Variants in NAV3 observed in about 807,000 individuals in gnomAD.
The protein encoded by NAV3 is neuron navigator 3, also known as pore membrane and/or filament interacting like protein 1.
A neutral mutation model predicts 244.7 loss-of-function variants in NAV3; 87 were observed. The ratio of observed to expected loss-of-function variants is 0.36; its 90% CI spans 0.30 to 0.42. NAV3 has a LOEUF of 0.42. NAV3 is among the 20% of genes least tolerant of loss of function. The probability of loss-of-function intolerance (pLI) is 1.00; values close to 1 mark genes in which losing one functional copy is unlikely to be tolerated. For missense variants in NAV3, 2,663 were observed against 2,893.3 expected, an observed-to-expected ratio of 0.92 and a Z score of 1.83; for synonymous variants, 1,126 against 1,042.2, an observed-to-expected ratio of 1.08 and a Z score of -1.55.
intron 3 of NAV3, among the ~76,000 whole-genome samples, chr12:77,956,238 T>G (rs112557333): frequency 1.0e-3 from 157 of 152,292 alleles, no homozygotes; most frequent in African/African-American, 3.5e-3. Flanking sequence ...AATTGAAAAT[T>G]TATTAATTTA....
At chr12:78,122,884 C>A (rs1955736057) in intron 16 of NAV3, among the ~76,000 whole-genome samples, 1 of 144,650 alleles carries the variant, frequency 6.9e-6, no homozygotes. Flanking sequence ...AGATGGATTG[C>A]TGGGAAATCC....
chr12:77,896,988 C>G (rs1592931186), intron 1 of NAV3, among the ~76,000 whole-genome samples: 1 of 152,156 alleles, frequency 6.6e-6, no homozygotes, highest in East Asian at 1.9e-4. Context: ...AAAGTGTGGT[C>G]TGTTGACCAG....
chr12:77,639,489 TTGTA>T (rs1823742892), intron 2 of NAV3, among the ~76,000 whole-genome samples: 1 of 152,194 alleles, frequency 6.6e-6, no homozygotes, highest in Admixed American at 6.5e-5. Flanking sequence ...AGAATGTAAA[TTGTA>T]TGAGAACAGA....
At chr12:77,779,819 G>C (rs563423632) in intron 2 of NAV3, among the ~76,000 whole-genome samples, 1 of 152,108 alleles carries the variant, frequency 6.6e-6, no homozygotes, top group Non-Finnish European at 1.5e-5. Context: ...TGGGTTGTCA[G>C]TGGTTTTCAA....
chr12:77,966,938 G>A (rs1439365362), intron 4 of NAV3, among the ~76,000 whole-genome samples: 1 of 151,972 alleles, frequency 6.6e-6, no homozygotes, highest in Admixed American at 6.6e-5. Context: ...GGTGGCAAAA[G>A]TTTGCAAAAG....
rs529338324 is a variant in NAV3 at position 77,622,534 on chromosome 12, A to ATTT, written c.72+50292_72+50294dup. Among the ~76,000 whole-genome samples, 219 of 90,716 alleles carry ATTT rather than the reference A, an allele frequency of 2.4e-3. 10 individuals are homozygous for ATTT. Among genetic ancestry groups the ATTT allele is most frequent in the African/African-American group, 7.5e-3 (180 of 24,130 alleles). The allele number at this position is 90,716 out of a possible 152,430, so 59.5% of individuals were successfully genotyped here. A position where few individuals can be genotyped will look rare whatever the true frequency, so the allele number is the denominator to read the frequency against. ...CTCTGCAGCGTGTTCATCCATATGG[A>ATTT]TTTTTTTTTTTTTTTTTTTTTTTTT... On this transcript the variant is annotated intron_variant, in intron 2 of 8. Coordinates refer to the NAV3 transcript ENST00000550042.
chr12:78,132,634 T>A (rs1207403619), intron 18 of NAV3, among the ~76,000 whole-genome samples: 1 of 152,154 alleles, frequency 6.6e-6, no homozygotes, highest in Non-Finnish European at 1.5e-5. Context: ...TCATCCTCCA[T>A]CTCCTCCTTA....
At chr12:77,715,095 A>C (rs890987007) in intron 2 of NAV3, among the ~76,000 whole-genome samples, 1 of 152,048 alleles carries the variant, frequency 6.6e-6, no homozygotes, top group African/African-American at 2.4e-5. Flanking sequence ...GAACTATAAA[A>C]ACTTAGTTAT....
intron 12 of NAV3, among the ~76,000 whole-genome samples, chr12:78,065,017 C>T (rs556064280): frequency 6.6e-6 from 1 of 152,010 alleles, no homozygotes; most frequent in South Asian, 2.1e-4. Context: ...CAGTTAAAGA[C>T]AAAAAACTTT....
chr12:77,847,076 G>A (rs549507913), intron 1 of NAV3, among the ~76,000 whole-genome samples: 1 of 152,252 alleles, frequency 6.6e-6, no homozygotes, highest in Admixed American at 6.5e-5. Context: ...ACTACACACA[G>A]ATATCAAGAC....
chr12:77,619,233 C>T (rs1308491002), intron 2 of NAV3, among the ~76,000 whole-genome samples: 3 of 152,056 alleles, frequency 2.0e-5, no homozygotes, highest in Non-Finnish European at 2.9e-5. Context: ...CTCGTCAACC[C>T]CCCTTAGGTT....
At chr12:77,646,430 C>A (rs1872608171) in intron 2 of NAV3, among the ~76,000 whole-genome samples, 1 of 152,086 alleles carries the variant, frequency 6.6e-6, no homozygotes, top group Admixed American at 6.6e-5. Flanking sequence ...ACCCAAACCT[C>A]CTGTCCTGAA....
chr12:77,998,338 C>T lies in NAV3; in HGVS notation c.742C>T (p.Leu248Phe). The T allele has an allele frequency of 6.4e-7, 1 of 1,554,480 alleles. No individual in the cohort carries two copies. Among genetic ancestry groups the T allele is most frequent in the Non-Finnish European group, 8.6e-7 (1 of 1,156,606 alleles). The change falls in exon 7 of 40, where the codon CTT (leucine) becomes TTT (phenylalanine). Residue 248 changes from leucine (L) to phenylalanine (F), a missense_variant and splice_region_variant. Leu to Phe is a conservative substitution (Grantham distance 22). Around this residue, in one of 6 missense-constraint regions of NAV3, gnomAD observed 1,521 missense variants for 1,497.0 expected, o/e 1.02. Coordinates refer to ENST00000397909, the MANE Select transcript of NAV3 (RefSeq NM_001024383.2). ...IATSQKKPTR[L>F]PGPSRVPAAG... is the part of the protein sequence containing the mutation. ...GTAATTTTTCTTATACTATTTCAGGCTTCCAGGGCCCTCTAGGGTGCCTGC... is the reference window on the plus strand; with the variant it reads ...GTAATTTTTCTTATACTATTTCAGGTTTCCAGGGCCCTCTAGGGTGCCTGC...
intron 21 of NAV3, among the ~76,000 whole-genome samples, chr12:78,146,716 C>T (rs1008474225): frequency 2.0e-5 from 3 of 151,310 alleles, no homozygotes; most frequent in African/African-American, 7.3e-5. Flanking sequence ...AGTCTTTTTC[C>T]CACTCCCTGT....
At chr12:77,596,836 C>T (rs1460687740) in intron 2 of NAV3, among the ~76,000 whole-genome samples, 2 of 151,954 alleles carry the variant, frequency 1.3e-5, no homozygotes, top group African/African-American at 4.8e-5. Flanking sequence ...GAAACCTGAA[C>T]TGGGTTGGCA....
At chr12:77,713,293 C>T (rs1876209779) in intron 2 of NAV3, among the ~76,000 whole-genome samples, 2 of 152,130 alleles carry the variant, frequency 1.3e-5, no homozygotes, top group Admixed American at 6.6e-5. Flanking sequence ...TATAAAATAC[C>T]GTTTTCTTCA....
chr12:77,823,961 GTGTGT>G (rs1316456514), intron 2 of NAV3, among the ~76,000 whole-genome samples: 1 of 152,148 alleles, frequency 6.6e-6, no homozygotes, highest in Non-Finnish European at 1.5e-5. Context: ...AAAAAGTATA[GTGTGT>G]GAATTAAAAA....
At chr12:78,064,553 A>G (rs899998492) in intron 12 of NAV3, among the ~76,000 whole-genome samples, 10 of 152,156 alleles carry the variant, frequency 6.6e-5, no homozygotes, top group African/African-American at 2.4e-4. Flanking sequence ...ACCCTTATGT[A>G]TTAATTTAAC....
chr12:77,887,069 G>T (rs557668874), intron 1 of NAV3, among the ~76,000 whole-genome samples: 10 of 152,228 alleles, frequency 6.6e-5, no homozygotes, highest in African/African-American at 2.4e-4. Context: ...CGTTAGAGAA[G>T]AACCCATTCT....
Sources: gnomAD v4.1 joint callset for allele counts (sites outside exome capture counted in the v4.1 genomes callset) on GRCh38, gnomAD v4.1.1 for gene constraint, gnomAD v4.1.1 regional missense constraint, MANE v1.5 for transcripts, NCBI Gene and HGNC (gene_info 2026-07-23, HGNC 2026-07-21) for gene names.